MLIP: variants seen among roughly 807,000 people sequenced by gnomAD.
MLIP encodes muscular LMNA-interacting protein.
In MLIP, 79 loss-of-function variants were observed where a neutral mutation model predicts 84.8. The observed-to-expected ratio is 0.93, with a 90% CI of 0.78 to 1.12. The LOEUF (loss-of-function observed/expected upper bound fraction) is 1.12. Among genes scored for constraint, MLIP ranks in the 50% most tolerant of loss-of-function variants. MLIP has a pLI of 0.00. For missense variants in MLIP, 1,257 were observed against 1,160.6 expected, an observed-to-expected ratio of 1.08 and a Z score of -1.21; for synonymous variants, 504 against 463.0, an observed-to-expected ratio of 1.09 and a Z score of -1.14.
chr6:54,100,408 C>G (rs1349498946), intron 1 of MLIP, among the ~76,000 whole-genome samples: 1 of 152,022 alleles, frequency 6.6e-6, no homozygotes, highest in Non-Finnish European at 1.5e-5. Flanking sequence ...TTTCCTTCTT[C>G]CATCCTATGT....
Position 54,160,304 on chromosome 6 carries a change from T to C in MLIP, c.2290-63T>C, listed in dbSNP as rs145151755. On this transcript the variant is annotated intron_variant, in intron 5 of 13. Coordinates refer to ENST00000502396, the MANE Select transcript of MLIP (RefSeq NM_001281747.2). ...ATACATACAAGGCTTTCTTTGAAGA[T>C]ACTTTTCTACTCCAGTTGTATGACT... 13 of 1,316,192 alleles carry C rather than the reference T, an allele frequency of 9.9e-6. No individual in the cohort carries two copies. In the African/African-American group the frequency reaches 1.5e-4, roughly 15 times the overall value. 81.5% of individuals were successfully genotyped at this position (1,316,192 alleles called of 1,614,324 possible).
At chr6:54,072,860 A>T (rs766646143) in intron 1 of MLIP, among the ~76,000 whole-genome samples, 3 of 152,220 alleles carry the variant, frequency 2.0e-5, no homozygotes, top group Non-Finnish European at 4.4e-5. Context: ...TACAAATGCC[A>T]GAGGAACAAA....
chr6:54,196,190 AAAG>A (rs1778282664), intron 10 of MLIP, among the ~76,000 whole-genome samples: 1 of 152,150 alleles, frequency 6.6e-6, no homozygotes, highest in Non-Finnish European at 1.5e-5. Flanking sequence ...TTTTTAAAAA[AAAG>A]AAGTTATTTT....
intron 10 of MLIP, among the ~76,000 whole-genome samples, chr6:54,196,750 T>G (rs1382906632): frequency 1.3e-5 from 2 of 152,058 alleles, no homozygotes; most frequent in African/African-American, 4.8e-5. Context: ...ATTCTAGATG[T>G]TGGAGATACA....
chr6:54,194,475 G>C (rs150689116), intron 10 of MLIP, among the ~76,000 whole-genome samples: 2,300 of 152,072 alleles, frequency 0.015, 31 homozygotes, highest in Non-Finnish European at 0.019. Context: ...AATGGTTCTT[G>C]AGCCATGAGA....
chr6:54,037,623 T>A (rs1399242830), intron 1 of MLIP, among the ~76,000 whole-genome samples: 1 of 151,962 alleles, frequency 6.6e-6, no homozygotes, highest in Non-Finnish European at 1.5e-5. Context: ...AGTCTGCTAG[T>A]CTTTGGGAGG....
intron 9 of MLIP, among the ~76,000 whole-genome samples, chr6:54,176,115 T>C (rs1776259340): frequency 6.6e-6 from 1 of 151,994 alleles, no homozygotes; most frequent in Non-Finnish European, 1.5e-5. Flanking sequence ...TAATGCACTG[T>C]TGAATTTGTT....
At chr6:54,247,289 C>T (rs944166732) in intron 12 of MLIP, among the ~76,000 whole-genome samples, 7 of 152,048 alleles carry the variant, frequency 4.6e-5, no homozygotes, top group East Asian at 3.9e-4. Flanking sequence ...GGCTTCTTAG[C>T]GATCAGTAAA....
At position 54,198,494 on chromosome 6, in the gene MLIP, A is replaced by C. The variant is rs1177543681; in HGVS notation, c.2590-3611A>C. Among the ~76,000 whole-genome samples, 4 of 152,112 alleles carry C rather than the reference A, an allele frequency of 2.6e-5. No individual in the cohort carries two copies. In the East Asian group the frequency reaches 5.8e-4, roughly 22 times the overall value. ...CTGTTTTATAGACTTTCTAAGTGGC[A>C]CTTTGAGACCCTTGTTTGGGTGATG... On this transcript the variant is annotated intron_variant, in intron 10 of 13. Coordinates refer to ENST00000502396, the MANE Select transcript of MLIP (RefSeq NM_001281747.2).
intron 12 of MLIP, among the ~76,000 whole-genome samples, chr6:54,249,734 C>CAT (rs1554193586): frequency 3.1e-3 from 398 of 127,706 alleles, no homozygotes; most frequent in Admixed American, 4.5e-3. Flanking sequence ...CACACACACA[C>CAT]ATATATATAT....
At chr6:54,173,470 T>C (rs1317687566) in intron 9 of MLIP, among the ~76,000 whole-genome samples, 3 of 151,914 alleles carry the variant, frequency 2.0e-5, no homozygotes, top group Admixed American at 1.3e-4. Context: ...TTTTAAATCA[T>C]GTGCTTAAAT....
chr6:54,137,044 A>G lies in MLIP; in HGVS notation c.975A>G (p.Glu325=), dbSNP rs1771863279. 6.5e-7 allele frequency: 1 copy of G among 1,535,958 alleles called. No homozygotes were observed. Among genetic ancestry groups the G allele is most frequent in the African/African-American group, 1.4e-5 (1 of 73,020 alleles). Residue 325 remains glutamate, a synonymous_variant, in exon 4 of 14, where the codon GAA becomes GAG. Coordinates refer to ENST00000502396, the MANE Select transcript of MLIP (RefSeq NM_001281747.2). ...AADPKPGLTS[E]VLKKTTLTSH... ...ATCCAAAGCCTGGACTGACCTCTGA[A>G]GTTCTCAAGAAGACAACTTTAACCT...
At chr6:54,148,754 C>A (rs1371179206) in intron 4 of MLIP, among the ~76,000 whole-genome samples, 2 of 152,078 alleles carry the variant, frequency 1.3e-5, no homozygotes, top group African/African-American at 2.4e-5. Context: ...TTAGGGAATG[C>A]TGCCAATGAA....
At position 54,216,025 on chromosome 6, in the gene MLIP, T is replaced by G. The variant is rs1779831557; in HGVS notation, c.2718+13792T>G. ...GATTTCTTTCTTTTTTAAGGCTGAA[T>G]AATATTTCATTGTTTAACACGTTTT... On this transcript the variant is annotated intron_variant, in intron 11 of 13. Coordinates refer to ENST00000502396, the MANE Select transcript of MLIP (RefSeq NM_001281747.2). The G allele has an allele frequency of 1.0e-5, 4 of 391,316 alleles. No homozygotes were observed. The South Asian group carries it at 4.2e-4, about 41-fold the overall frequency. 24.2% of individuals were successfully genotyped at this position (391,316 alleles called of 1,614,324 possible). A position where few individuals can be genotyped will look rare whatever the true frequency, so the allele number is the denominator to read the frequency against.
In MLIP at chr6:54,246,415, T is replaced by C. The variant is rs150543103; in HGVS notation, c.2923-10893T>C. Among the ~76,000 whole-genome samples the C allele has an allele frequency of 1.2e-3, 177 of 152,258 alleles. 1 individual carries two copies. Among genetic ancestry groups the C allele is most frequent in the African/African-American group, 3.8e-3 (157 of 41,572 alleles). On this transcript the variant is annotated intron_variant, in intron 12 of 13. Coordinates refer to ENST00000502396, the MANE Select transcript of MLIP (RefSeq NM_001281747.2). ...TTTCTGTCCCTTATAGCATTTCTTC[T>C]TGAATTCCATTTTTAAGATAATAAA...
intron 9 of MLIP, among the ~76,000 whole-genome samples, chr6:54,185,275 T>G (rs531922283): frequency 2.6e-5 from 4 of 152,338 alleles, no homozygotes; most frequent in Non-Finnish European, 5.9e-5. Context: ...CTATTCTTCC[T>G]CTTTGCTAAG....
At chr6:54,264,772 G>A (rs952208235) in intron 13 of MLIP, among the ~76,000 whole-genome samples, 6 of 152,050 alleles carry the variant, frequency 3.9e-5, no homozygotes, top group Non-Finnish European at 7.4e-5. Flanking sequence ...GGGCTTCAGA[G>A]AATTCCAGAT....
intron 12 of MLIP, among the ~76,000 whole-genome samples, chr6:54,245,961 A>G (rs1438278581): frequency 6.6e-6 from 1 of 152,158 alleles, no homozygotes; most frequent in Non-Finnish European, 1.5e-5. Flanking sequence ...CCAAAATATG[A>G]GCATAAAATT....
chr6:54,186,706 A>T (rs1209295962), intron 9 of MLIP, among the ~76,000 whole-genome samples: 2 of 152,140 alleles, frequency 1.3e-5, no homozygotes, highest in Non-Finnish European at 2.9e-5. Flanking sequence ...CTCCATCATG[A>T]GATCAGCATG....
Sources: allele counts gnomAD v4.1 joint callset (sites outside exome capture counted in the v4.1 genomes callset), GRCh38; gene constraint gnomAD v4.1.1; transcripts MANE v1.5; gene names NCBI Gene and HGNC (gene_info 2026-07-23, HGNC 2026-07-21).